The following COMMD1 variants were observed in gnomAD, a reference collection of about 807,000 sequenced individuals.
COMMD1 encodes the protein COMM domain-containing protein 1.
A neutral mutation model predicts 17.2 loss-of-function variants in COMMD1; 10 were observed. That is an observed-to-expected ratio of 0.58 (90% confidence interval 0.36 to 0.99). COMMD1 has a LOEUF of 0.99. Ranked by LOEUF, COMMD1 falls within the 50% of genes least tolerant of loss-of-function variation. COMMD1 has a pLI of 0.01. For synonymous variants in COMMD1, 97 were observed against 91.6 expected (o/e 1.06, Z -0.34); for missense variants, 270 against 231.8 (o/e 1.17, Z -1.07).
intron 1 of COMMD1, among the ~76,000 whole-genome samples, chr2:61,890,720 G>A (rs1001733275): frequency 5.9e-5 from 9 of 151,510 alleles, no homozygotes; most frequent in Non-Finnish European, 1.0e-4. Context: ...CCAGCTACTC[G>A]GGAGGCTGAG....
intron 1 of COMMD1, among the ~76,000 whole-genome samples, chr2:61,994,490 G>T (rs1200897137): frequency 6.6e-6 from 1 of 151,928 alleles, no homozygotes; most frequent in Admixed American, 6.6e-5. Context: ...CACTTGCTCT[G>T]CCTGTGTTCT....
chr2:61,916,004 T>A (rs1406155857), intron 1 of COMMD1, among the ~76,000 whole-genome samples: 2 of 152,048 alleles, frequency 1.3e-5, no homozygotes, highest in African/African-American at 4.8e-5. Flanking sequence ...AAGGTCTCAC[T>A]ATGTTGCCCA....
intron 1 of COMMD1, among the ~76,000 whole-genome samples, chr2:61,988,339 GATT>G (rs1672158519): frequency 6.6e-6 from 1 of 152,176 alleles, no homozygotes; most frequent in African/African-American, 2.4e-5. Flanking sequence ...TACCACTGCT[GATT>G]ATTCAGGGCT....
At chr2:62,015,321 A>G (rs1453873326) in intron 2 of COMMD1, among the ~76,000 whole-genome samples, 1 of 152,168 alleles carries the variant, frequency 6.6e-6, no homozygotes, top group Non-Finnish European at 1.5e-5. Context: ...AGTGTCTTCA[A>G]CTTTTATCGT....
At chr2:62,101,311 CA>C (rs927629238) in intron 2 of COMMD1, among the ~76,000 whole-genome samples, 82 of 152,088 alleles carry the variant, frequency 5.4e-4, no homozygotes, top group African/African-American at 1.9e-3. Context: ...GGATGCCAGT[CA>C]AAAGTATTGA....
rs577124966 is a variant in COMMD1, at chr2:62,027,003, A to G, written c.462+26021A>G. Among the ~76,000 whole-genome samples the G allele has an allele frequency of 1.0e-3, 156 of 152,016 alleles. 2 individuals carry two copies. The highest frequency in any genetic ancestry group is 3.4e-3 in the African/African-American group (143 of 41,484). ...CTCTTTTGCTACTTATTTTGATACC[A>G]CCTGGTTTTGTATATACTTGAATCC... On this transcript the variant is annotated intron_variant, in intron 2 of 2. Transcript: ENST00000311832.
At chr2:61,897,824 C>G (rs905398760) in intron 1 of COMMD1, among the ~76,000 whole-genome samples, 3 of 152,038 alleles carry the variant, frequency 2.0e-5, no homozygotes, top group African/African-American at 7.2e-5. Flanking sequence ...TCTGTTTTTT[C>G]AGATTTATTA....
chr2:61,977,847 G>A (rs189786889), intron 1 of COMMD1, among the ~76,000 whole-genome samples: 2 of 151,342 alleles, frequency 1.3e-5, no homozygotes, highest in Admixed American at 6.6e-5. Flanking sequence ...ATTAGCCCAG[G>A]GGGTGGTGGT....
intron 1 of COMMD1, chr2:61,915,698 T>G (rs1670029574): frequency 2.2e-6 from 1 of 453,632 alleles, no homozygotes; most frequent in Admixed American, 2.4e-5. Context: ...AATCTCCCCA[T>G]ATCGTCCAGG....
At chr2:61,921,907 A>C (rs920778417) in intron 1 of COMMD1, among the ~76,000 whole-genome samples, 1 of 152,066 alleles carries the variant, frequency 6.6e-6, no homozygotes, top group African/African-American at 2.4e-5. Flanking sequence ...ACTATTATTT[A>C]ACTTTACAGT....
intron 2 of COMMD1, among the ~76,000 whole-genome samples, chr2:62,133,258 T>TCAGCTTAG (rs1192259223): frequency 6.6e-6 from 1 of 152,042 alleles, no homozygotes; most frequent in East Asian, 1.9e-4. Flanking sequence ...CAGTGTAGAC[T>TCAGCTTAG]CAGCTTAGCA....
At chr2:61,930,937 C>A (rs1331855159) in intron 1 of COMMD1, among the ~76,000 whole-genome samples, 1 of 151,720 alleles carries the variant, frequency 6.6e-6, no homozygotes, top group Middle Eastern at 3.2e-3. Flanking sequence ...GGCTCCATAG[C>A]CAATTATATA....
intron 1 of COMMD1, among the ~76,000 whole-genome samples, chr2:61,897,615 G>A (rs894462494): frequency 6.6e-6 from 1 of 152,234 alleles, no homozygotes; most frequent in Non-Finnish European, 1.5e-5. Context: ...TGGGCGTGGT[G>A]GTGCATGCCT....
At chr2:61,951,983 C>T (rs900352307) in intron 1 of COMMD1, among the ~76,000 whole-genome samples, 2 of 152,136 alleles carry the variant, frequency 1.3e-5, no homozygotes, top group African/African-American at 4.8e-5. Flanking sequence ...CTTTTTATTG[C>T]TGAGCATTAG....
intron 2 of COMMD1, among the ~76,000 whole-genome samples, chr2:62,091,098 A>T (rs1671813554): frequency 1.3e-5 from 2 of 152,212 alleles, no homozygotes; most frequent in Non-Finnish European, 2.9e-5. Flanking sequence ...CTCAGATTCC[A>T]TTTGTAGTAC....
At chr2:61,989,280 A>C (rs1218491989) in intron 1 of COMMD1, among the ~76,000 whole-genome samples, 1 of 152,104 alleles carries the variant, frequency 6.6e-6, no homozygotes, top group African/African-American at 2.4e-5. Flanking sequence ...CATGATTACT[A>C]TCCAAAGTCT....
chr2:61,994,472 T>A (rs1016237652), intron 1 of COMMD1, among the ~76,000 whole-genome samples: 1 of 152,174 alleles, frequency 6.6e-6, no homozygotes, highest in South Asian at 2.1e-4. Context: ...TTCTTTCAGC[T>A]CCAGTCTCAC....
chr2:62,036,214 T>C (rs922006840), intron 2 of COMMD1, among the ~76,000 whole-genome samples: 1 of 149,392 alleles, frequency 6.7e-6, no homozygotes, highest in African/African-American at 2.6e-5. Context: ...TTTGCTATGA[T>C]TGGTTGGTAA....
chr2:62,014,890 TCCAGTGGTATTAAGTACAGC>T (rs1211580162), intron 2 of COMMD1, among the ~76,000 whole-genome samples: 4 of 151,900 alleles, frequency 2.6e-5, no homozygotes, highest in Non-Finnish European at 5.9e-5. Context: ...AAGTGTACAG[TCCAGTGGTATTAAGTACAGC>T]CCAGTGGTAT....
Sources: allele counts gnomAD v4.1 joint callset (sites outside exome capture counted in the v4.1 genomes callset), GRCh38; gene constraint gnomAD v4.1.1; transcripts MANE v1.5; gene names NCBI Gene and HGNC (gene_info 2026-07-23, HGNC 2026-07-21).